The following FAM161A variants were observed in gnomAD, a reference collection of about 807,000 sequenced individuals.
FAM161A encodes FAM161 centrosomal protein A, also known as protein FAM161A.
FAM161A carries 57 observed loss-of-function variants against 70.9 expected under a neutral mutation model. The ratio of observed to expected loss-of-function variants is 0.80; its 90% CI spans 0.65 to 1.00. The LOEUF (loss-of-function observed/expected upper bound fraction) is 1.00, where lower values mean the gene tolerates loss of function less well. Among genes scored for constraint, FAM161A ranks in the 50% least tolerant of loss-of-function variants. The pLI, the probability that FAM161A is intolerant of heterozygous loss-of-function variation, is 0.00. For synonymous variants in FAM161A, 299 were observed against 295.7 expected (o/e 1.01, Z -0.12); for missense variants, 880 against 836.0 (o/e 1.05, Z -0.65).
At chr2:61,806,680 C>CTTTTTTTTTTTTTTTTTTTTTTTTTTTTT in the FAM161A span, among the ~76,000 whole-genome samples, 1 of 61,568 alleles carries the variant, frequency 1.6e-5, no homozygotes, top group Non-Finnish European at 3.0e-5. Flanking sequence ...CTTTCCACGT[C>CTTTTTTTTTTTTTTTTTTTTTTTTTTTTT]TTTTTTTTTT....
the FAM161A span, among the ~76,000 whole-genome samples, chr2:61,807,524 A>G: frequency 2.0e-5 from 3 of 151,644 alleles, no homozygotes; most frequent in African/African-American, 7.3e-5. Flanking sequence ...GTGCAGGATT[A>G]CAAGCTCAGA....
Position 61,838,922 on chromosome 2 carries a change from G to C in FAM161A, c.1584-217C>G, listed in dbSNP as rs960018948. 4.1e-5 allele frequency among the ~76,000 whole-genome samples: 6 copies of C among 146,560 alleles called. No individual in the cohort carries two copies. In the South Asian group the frequency reaches 1.3e-3, roughly 31 times the overall value. On this transcript the variant is annotated intron_variant, in intron 3 of 6. Transcript: ENST00000404929. The stretch of plus-strand genomic sequence containing the variant: ...TTTTGAGATGGAGTCTCGCTCTGTC[G>C]CCCAGGCTGGAGTGCCATGGCGTGA...
chr2:61,816,084 C>G, the FAM161A span, among the ~76,000 whole-genome samples: 1 of 152,124 alleles, frequency 6.6e-6, no homozygotes, highest in African/African-American at 2.4e-5. Flanking sequence ...TCCCCACAAT[C>G]CCCACTCCCT....
the FAM161A span, among the ~76,000 whole-genome samples, chr2:61,810,452 C>G: frequency 4.7e-5 from 5 of 105,536 alleles, no homozygotes; most frequent in African/African-American, 1.9e-4. Flanking sequence ...CCCAGCACTT[C>G]CTTTTTTTTT....
chr2:61,826,667 G>A (rs913645310), intron 6 of FAM161A, 68 bp from the exon 7 acceptor site: 2 of 1,331,476 alleles, frequency 1.5e-6, no homozygotes, highest in Non-Finnish European at 2.1e-6. Flanking sequence ...CAAACCCTCT[G>A]CAAGTATGCC....
rs117310043 is a variant in FAM161A, at chr2:61,838,356, A to G, written c.1751+182T>C. 7.9e-5 allele frequency among the ~76,000 whole-genome samples: 12 copies of G among 152,352 alleles called. No individual in the cohort carries two copies. The East Asian group carries it at 2.3e-3, about 29-fold the overall frequency. On this transcript the variant is annotated intron_variant, in intron 4 of 6. Coordinates refer to ENST00000404929, the MANE Select transcript of FAM161A (RefSeq NM_001201543.2). ...GTTCTCACCATAAAGGTGAGTTTATATGTTGGTTCTCACCATGAGGTGAGT... is the reference window on the plus strand; with the variant it reads ...GTTCTCACCATAAAGGTGAGTTTATGTGTTGGTTCTCACCATGAGGTGAGT...
intron 4 of FAM161A, among the ~76,000 whole-genome samples, chr2:61,837,323 CTGTT>C (rs776884028): frequency 1.2e-4 from 18 of 152,122 alleles, no homozygotes; most frequent in Admixed American, 6.5e-5. Flanking sequence ...AGTGTTCTCA[CTGTT>C]TGAGCAAGAT....
the FAM161A span, among the ~76,000 whole-genome samples, chr2:61,801,209 C>T: frequency 2.0e-5 from 3 of 151,952 alleles, no homozygotes; most frequent in African/African-American, 7.3e-5. Flanking sequence ...TTAAAAATTA[C>T]TGGATTGGCC....
intron 1 of FAM161A, among the ~76,000 whole-genome samples, chr2:61,846,467 G>A (rs1477814019): frequency 6.6e-6 from 1 of 152,180 alleles, no homozygotes; most frequent in Non-Finnish European, 1.5e-5. Context: ...CAGCTTAGGA[G>A]AAAGATTTCA....
chr2:61,838,446 T>C (rs1351408352), intron 4 of FAM161A, 92 bp downstream of exon 4: 1 of 1,097,106 alleles, frequency 9.1e-7, no homozygotes, highest in Non-Finnish European at 1.3e-6. Context: ...ACTAATGCTA[T>C]TTTCAATCTG....
At chr2:61,830,837 G>A (rs565019276) in intron 5 of FAM161A, among the ~76,000 whole-genome samples, 14 of 152,056 alleles carry the variant, frequency 9.2e-5, no homozygotes, top group African/African-American at 3.4e-4. Context: ...CTGGCTGGAT[G>A]TGGTGGTTCA....
chr2:61,826,743 G>GA (rs11392751), intron 6 of FAM161A, 144 bp from the exon 7 acceptor site: 696,273 of 715,060 alleles, frequency 0.97, 339,142 homozygotes, highest in East Asian at 0.99. Flanking sequence ...TCAAAAAAAA[G>GA]AAGAAAACGC....
downstream of FAM161A, among the ~76,000 whole-genome samples, chr2:61,823,194 G>A (rs192639808): frequency 1.6e-3 from 235 of 151,224 alleles, 1 homozygote; most frequent in African/African-American, 5.0e-3. Flanking sequence ...TTAGCCAGGC[G>A]TGGTGGCAGG....
downstream of FAM161A, among the ~76,000 whole-genome samples, chr2:61,821,308 C>T (rs1488989373): frequency 6.6e-6 from 1 of 152,144 alleles, no homozygotes; most frequent in East Asian, 1.9e-4. Flanking sequence ...GCCTCGGCCT[C>T]CCAAAGTGCT....
At chr2:61,822,894 G>T (rs1194685329), downstream of FAM161A, among the ~76,000 whole-genome samples, 1 of 152,018 alleles carries the variant, frequency 6.6e-6, no homozygotes, top group Non-Finnish European at 1.5e-5. Flanking sequence ...CCGGCCTGAA[G>T]TTAATGATTT....
chr2:61,843,228 C>T lies in FAM161A; in HGVS notation c.184-868G>A, dbSNP rs1177280263. ...GCACCATCTCAGCTCACTGCAACCT[C>T]TGCCTTCTCCTGCCTCAGACTCCCA... On this transcript the variant is annotated intron_variant, in intron 1 of 6. Coordinates refer to ENST00000404929, the MANE Select transcript of FAM161A (RefSeq NM_001201543.2). 2.0e-5 allele frequency among the ~76,000 whole-genome samples: 3 copies of T among 152,140 alleles called. No homozygotes were observed. The East Asian group carries it at 5.8e-4, about 29-fold the overall frequency.
chr2:61,806,923 AC>A, the FAM161A span, among the ~76,000 whole-genome samples: 1 of 151,246 alleles, frequency 6.6e-6, no homozygotes, highest in East Asian at 1.9e-4. Flanking sequence ...TGATCTCCTG[AC>A]CTCATGATCC....
the FAM161A span, among the ~76,000 whole-genome samples, chr2:61,809,215 C>G: frequency 6.6e-6 from 1 of 152,108 alleles, no homozygotes; most frequent in Non-Finnish European, 1.5e-5. Flanking sequence ...CCCCGGACAC[C>G]ACTGCTGGTG....
chr2:61,832,293 C>A (rs1247457132), intron 5 of FAM161A, among the ~76,000 whole-genome samples: 13 of 143,496 alleles, frequency 9.1e-5, no homozygotes, highest in Non-Finnish European at 1.8e-4. Context: ...CCAACAACAA[C>A]AAAAAAAAAC....
Sources: allele counts gnomAD v4.1 joint callset (sites outside exome capture counted in the v4.1 genomes callset), GRCh38; gene constraint gnomAD v4.1.1; transcripts MANE v1.5; gene names NCBI Gene and HGNC (gene_info 2026-07-23, HGNC 2026-07-21).